The following RIPK3 variants were observed in gnomAD, a reference collection of about 807,000 sequenced individuals.
RIPK3 encodes the protein receptor-interacting serine/threonine-protein kinase 3.
In RIPK3, 51 loss-of-function variants were observed where a neutral mutation model predicts 51.6. The ratio of observed to expected loss-of-function variants is 0.99; its 90% CI spans 0.79 to 1.25. The LOEUF is 1.25. Among genes scored for constraint, RIPK3 ranks in the 50% most tolerant of loss-of-function variants. The probability of loss-of-function intolerance (pLI) is 0.00; values close to 1 mark genes in which losing one functional copy is unlikely to be tolerated. For synonymous variants in RIPK3, 246 were observed against 257.7 expected, an observed-to-expected ratio of 0.95 and a Z score of 0.44; for missense variants, 654 against 650.4, an observed-to-expected ratio of 1.01 and a Z score of -0.06.
chr14:24,338,021 G>C lies in RIPK3; in HGVS notation c.684C>G (p.Leu228=). The part of the protein sequence containing the change: ...REVELPTEPS[L]VYEAVCNRQN... ...GCCTGTTGCACACTGCTTCGTACAC[G>C]AGTGATGGTTCGGTTGGCACTGGAG... Residue 228 remains leucine, a synonymous_variant, in exon 6 of 10, where the codon CTC becomes CTG. Transcript: ENST00000216274. 1 of 1,614,194 alleles carries C rather than the reference G, an allele frequency of 6.2e-7. No homozygotes were observed. Among genetic ancestry groups the C allele is most frequent in the Admixed American group, 1.7e-5 (1 of 60,030 alleles).
chr14:24,339,565 A>G lies in RIPK3; in HGVS notation c.53T>C (p.Ile18Thr), dbSNP rs148033048. ...GAGCTCCTGGTTCTCCAGTTCCTCG[A>G]TGGACACCAAGGGGGCGGGGGCACC... ...PSGAPAPLVSIEELENQELVG... is the reference protein window; with the variant it reads ...PSGAPAPLVSTEELENQELVG... Residue 18 changes from isoleucine (I) to threonine (T), a missense_variant, in exon 2 of 10, where the codon ATC becomes ACC. By Grantham distance (89) the Ile-to-Thr change is moderately conservative (BLOSUM62 -1). Coordinates refer to ENST00000216274, the MANE Select transcript of RIPK3 (RefSeq NM_006871.4). This position sits in a 1 kb window ranked among gnomAD's most constrained non-coding sequence, Gnocchi z 4.0. The G allele has an allele frequency of 4.3e-6, 7 of 1,613,904 alleles. No individual in the cohort carries two copies. In the African/African-American group the frequency reaches 5.3e-5, roughly 12 times the overall value.
At chr14:24,337,036 C>T (rs780150675) in intron 8 of RIPK3, 50 bp downstream of exon 8, 5 of 1,606,744 alleles carry the variant, frequency 3.1e-6, no homozygotes, top group Non-Finnish European at 4.3e-6. Context: ...GGCAAGGGGA[C>T]AGCATTTATA....
chr14:24,338,578 A>G lies in RIPK3; in HGVS notation c.472-11T>C. ...GCCAAAATCTGCCAGCTGCAAAGGA[A>G]GGAAAGAAGTGGGAGGTAGGGAAGA... On this transcript the variant is annotated splice_polypyrimidine_tract_variant and intron_variant, in intron 3 of 9. Transcript: ENST00000216274. 1.3e-6 allele frequency: 2 copies of G among 1,592,020 alleles called. No individual in the cohort carries two copies. Among genetic ancestry groups the G allele is most frequent in the Non-Finnish European group, 1.7e-6 (2 of 1,163,234 alleles).
Position 24,339,475 on chromosome 14 carries a change from G to A in RIPK3, c.143C>T (p.Ala48Val), listed in dbSNP as rs369010763. 505 of 1,614,158 alleles carry A rather than the reference G, an allele frequency of 3.1e-4. 3 individuals carry two copies. In the South Asian group the frequency reaches 4.8e-3, roughly 15 times the overall value. Residue 48 changes from alanine (A) to valine (V), a missense_variant, in exon 2 of 10, where the codon GCG becomes GTG. Coordinates refer to ENST00000216274, the MANE Select transcript of RIPK3 (RefSeq NM_006871.4). The surrounding 1 kb of genome is among the most constrained non-coding windows in gnomAD (Gnocchi z 4.0). ...CACTCACGAGTTTACGATCTTGACC[G>A]CCACATCGTAGCCCCACTTCCTATG... ...AQHRKWGYDV[A>V]VKIVNSKAIS...
Position 24,339,049 on chromosome 14 carries a change from G to A in RIPK3, c.437C>T (p.Ser146Phe). The A allele has an allele frequency of 1.2e-6, 2 of 1,614,204 alleles. No homozygotes were observed. Among genetic ancestry groups the A allele is most frequent in the Non-Finnish European group, 1.7e-6 (2 of 1,180,004 alleles). Residue 146 changes from serine to phenylalanine, a missense_variant, in exon 3 of 10, where the codon TCC becomes TTC. Transcript: ENST00000216274. The surrounding 1 kb of genome is among the most constrained non-coding windows in gnomAD (Gnocchi z 4.0). The part of the protein sequence containing the change: ...PVLLHRDLKP[S>F]NVLLDPELHV... ...CAGCTCTGGGTCCAGCAGGACGTTG[G>A]ATGGCTTGAGGTCCCGGTGCAGGAG...
Position 24,337,083 on chromosome 14 carries a change from C to G in RIPK3, c.1275+3G>C, listed in dbSNP as rs745578908. 1 of 1,612,416 alleles carries G rather than the reference C, an allele frequency of 6.2e-7. No individual in the cohort carries two copies. The highest frequency in any genetic ancestry group is 2.2e-5 in the East Asian group (1 of 44,868). ...GCATCCCCTAATCCTGTCAATGTCT[C>G]ACCTGATTCCCTCGGGGTCCAGGAC... On this transcript the variant is annotated splice_donor_region_variant and intron_variant, in intron 8 of 9. Coordinates refer to ENST00000216274, the MANE Select transcript of RIPK3 (RefSeq NM_006871.4).
chr14:24,337,636 G>A, intron 7 of RIPK3, 59 bp downstream of exon 7: 1 of 1,541,842 alleles, frequency 6.5e-7, no homozygotes, highest in Non-Finnish European at 9.0e-7. Flanking sequence ...TGGATGGCCA[G>A]GTAGCCACGC....
At chr14:24,336,438 A>T in intron 9 of RIPK3, 43 bp from the exon 10 acceptor site, 1 of 1,592,662 alleles carries the variant, frequency 6.3e-7, no homozygotes, top group South Asian at 1.1e-5. Context: ...TTTAGCTGTC[A>T]GAAAGGCCAA....
chr14:24,336,784 C>T (rs756554806), intron 9 of RIPK3, 101 bp downstream of exon 9: 1 of 1,084,518 alleles, frequency 9.2e-7, no homozygotes, highest in South Asian at 1.2e-5. Context: ...ATCATCTTCT[C>T]CCCTCCCCTC....
In RIPK3 at chr14:24,339,327, A is replaced by G; in HGVS notation, c.162-3T>C. On this transcript the variant is annotated splice_polypyrimidine_tract_variant and splice_region_variant and intron_variant, in intron 2 of 9. Coordinates refer to ENST00000216274, the MANE Select transcript of RIPK3 (RefSeq NM_006871.4). This position sits in a 1 kb window ranked among gnomAD's most constrained non-coding sequence, Gnocchi z 4.0. ...TGACCTCCCTGGATATCGCCTTCCT[A>G]CACTCCAGGAGAGAGCTGGAGTCGC... 2 of 1,610,414 alleles carry G rather than the reference A, an allele frequency of 1.2e-6. No individual in the cohort carries two copies. Among genetic ancestry groups the G allele is most frequent in the Non-Finnish European group, 1.7e-6 (2 of 1,177,282 alleles).
intron 9 of RIPK3, 122 bp from the exon 10 acceptor site, chr14:24,336,517 C>A: frequency 1.5e-6 from 2 of 1,358,432 alleles, no homozygotes; most frequent in African/African-American, 1.4e-5. Context: ...CCCTGTGCTC[C>A]TCCCCTCAGA....
rs140945510 is a variant in RIPK3 at position 24,339,737 on chromosome 14, T to C, written c.20+70A>G. ...CGTCCCCGGACTCAAAGACGTTCTC[T>C]GAGCGAGTCTGTGGGGCTCTCTGGG... On this transcript the variant is annotated intron_variant, in intron 1 of 9. Transcript: ENST00000216274. The surrounding 1 kb of genome is among the most constrained non-coding windows in gnomAD (Gnocchi z 4.0). 7.0e-5 allele frequency: 110 copies of C among 1,568,328 alleles called. 1 individual carries two copies. The East Asian group carries it at 2.2e-3, about 31-fold the overall frequency.
intron 9 of RIPK3, 58 bp from the exon 10 acceptor site, chr14:24,336,453 G>A: frequency 6.3e-7 from 1 of 1,577,966 alleles, no homozygotes; most frequent in African/African-American, 1.3e-5. Context: ...GGCCAAGTTG[G>A]GGGTGGGTGG....
In RIPK3 at chr14:24,336,341, T is replaced by G; in HGVS notation, c.1391A>C (p.Asn464Thr). Residue 464 changes from asparagine to threonine, a missense_variant, in exon 10 of 10, where the codon AAC becomes ACC. Asn to Thr is a moderately conservative substitution (Grantham distance 65). Transcript: ENST00000216274. ...AGTTGTCTGTTGCATAGTCAAGTAG[T>G]TGTTGTCTCCAACTTGCACCCCAGA... is the stretch of plus-strand genomic sequence containing the variant. ...NCSGVQVGDNNYLTMQQTTAL... is the reference protein window; with the variant it reads ...NCSGVQVGDNTYLTMQQTTAL... The G allele has an allele frequency of 6.2e-7, 1 of 1,613,818 alleles. No homozygotes were observed. Among genetic ancestry groups the G allele is most frequent in the East Asian group, 2.2e-5 (1 of 44,866 alleles).
In RIPK3 at chr14:24,336,376, T is replaced by C. The variant is rs779561052; in HGVS notation, c.1356A>G (p.Ile452Met). 1.9e-6 allele frequency: 3 copies of C among 1,613,696 alleles called. No homozygotes were observed. The East Asian group carries it at 6.7e-5, about 36-fold the overall frequency. Residue 452 changes from isoleucine (I) to methionine (M), a missense_variant, in exon 10 of 10, where the codon ATA (isoleucine) becomes ATG (methionine). Transcript: ENST00000216274. Reference protein sequence around the residue: ...NPVTGRPLVNIYNCSGVQVGD... With the variant: ...NPVTGRPLVNMYNCSGVQVGD... ...CAACTTGCACCCCAGAGCAGTTGTA[T>C]ATGTTAACGAGCGGTCGCCCTTTAA...
In RIPK3 at chr14:24,337,945, C is replaced by T. The variant is rs749400287; in HGVS notation, c.760G>A (p.Gly254Ser). The T allele has an allele frequency of 9.9e-6, 16 of 1,614,070 alleles. No homozygotes were observed. The highest frequency in any genetic ancestry group is 3.3e-5 in the Admixed American group (2 of 60,010). ...ATTAGCTCCTTCAGTCCTTCTAAGC[C>T]GGGAGTCTCAGGCCCGGCTTGGGGC... ...ELPQAGPETP[G>S]LEGLKELMQL... Residue 254 changes from glycine to serine, a missense_variant, in exon 6 of 10, where the codon GGC becomes AGC. Coordinates refer to ENST00000216274, the MANE Select transcript of RIPK3 (RefSeq NM_006871.4).
chr14:24,337,821 C>T (rs571024283), intron 6 of RIPK3, 52 bp downstream of exon 6: 1 of 1,612,998 alleles, frequency 6.2e-7, no homozygotes, highest in South Asian at 1.1e-5. Context: ...GAGAAAAGCC[C>T]CCTGCTGACA....
In RIPK3 at chr14:24,339,174, C is replaced by A; in HGVS notation, c.312G>T (p.Gly104=). 1 of 1,614,244 alleles carries A rather than the reference C, an allele frequency of 6.2e-7. No individual in the cohort carries two copies. Among genetic ancestry groups the A allele is most frequent in the South Asian group, 1.1e-5 (1 of 91,088 alleles). The change falls in exon 3 of 10, where the codon GGG becomes GGT. Residue 104 remains glycine, a synonymous_variant. Coordinates refer to ENST00000216274, the MANE Select transcript of RIPK3 (RefSeq NM_006871.4). The surrounding 1 kb of genome is among the most constrained non-coding windows in gnomAD (Gnocchi z 4.0). ...GCCGAGGGCACTGGGACTGCAGCAG[C>A]CCCGACAAGGAGCCGTTCTCCATGA... ...TKFMENGSLS[G]LLQSQCPRPW...
At chr14:24,337,538 T>C in intron 7 of RIPK3, 78 bp from the exon 8 acceptor site, 3 of 1,610,978 alleles carry the variant, frequency 1.9e-6, no homozygotes, top group Non-Finnish European at 2.5e-6. Context: ...TCTCGGTCCA[T>C]AATCTGTTGT....
Sources: allele counts gnomAD v4.1 joint callset, GRCh38; gene constraint gnomAD v4.1.1; non-coding constraint Gnocchi (gnomAD v3.1); transcripts MANE v1.5; gene names NCBI Gene and HGNC (gene_info 2026-07-23, HGNC 2026-07-21).